Variants in TAFA4 observed in about 807,000 individuals in gnomAD.
The protein encoded by TAFA4 is chemokine-like protein TAFA-4.
TAFA4 carries 20 observed loss-of-function variants against 21.1 expected under a neutral mutation model. The observed-to-expected ratio is 0.95, with a 90% CI of 0.67 to 1.38. The LOEUF is 1.38. Ranked by LOEUF, TAFA4 falls within the 40% of genes most tolerant of loss-of-function variation. The pLI, the probability that TAFA4 is intolerant of heterozygous loss-of-function variation, is 0.00. For missense variants in TAFA4, 211 were observed against 180.9 expected, an observed-to-expected ratio of 1.17 and a Z score of -0.95; for synonymous variants, 71 against 67.4, an observed-to-expected ratio of 1.05 and a Z score of -0.26.
At chr3:68,835,199 C>T (rs183294616) in intron 3 of TAFA4, among the ~76,000 whole-genome samples, 2 of 152,252 alleles carry the variant, frequency 1.3e-5, no homozygotes, top group East Asian at 3.9e-4. Flanking sequence ...TCCCTGGTGA[C>T]CTTATTTGAA....
At chr3:68,890,306 A>G (rs1318570438) in intron 1 of TAFA4, among the ~76,000 whole-genome samples, 1 of 152,194 alleles carries the variant, frequency 6.6e-6, no homozygotes, top group African/African-American at 2.4e-5. Flanking sequence ...GTACTCTTCT[A>G]TGAACTTTTC....
intron 1 of TAFA4, among the ~76,000 whole-genome samples, chr3:68,893,221 A>T (rs78889232): frequency 0.018 from 2,817 of 152,336 alleles, 83 homozygotes; most frequent in African/African-American, 0.064. Context: ...GTTGCCAAGT[A>T]CTTGAATTTT....
At chr3:68,770,749 TTACTGA>T (rs1391716865) in intron 3 of TAFA4, among the ~76,000 whole-genome samples, 1 of 152,194 alleles carries the variant, frequency 6.6e-6, no homozygotes, top group East Asian at 1.9e-4. Context: ...AACCCATCTC[TTACTGA>T]TACAGGAAGA....
intron 1 of TAFA4, among the ~76,000 whole-genome samples, chr3:68,891,216 T>C (rs1051078830): frequency 5.3e-5 from 8 of 152,200 alleles, no homozygotes; most frequent in Non-Finnish European, 1.2e-4. Flanking sequence ...CACCAAAACA[T>C]TAAAAATGGA....
chr3:68,792,636 T>C (rs1263087798), intron 3 of TAFA4, among the ~76,000 whole-genome samples: 2 of 152,208 alleles, frequency 1.3e-5, no homozygotes, highest in Non-Finnish European at 1.5e-5. Flanking sequence ...CAGATTGATT[T>C]ATTCTATCTC....
chr3:68,843,060 A>T (rs1161222914), intron 3 of TAFA4, among the ~76,000 whole-genome samples: 1 of 152,166 alleles, frequency 6.6e-6, no homozygotes, highest in Non-Finnish European at 1.5e-5. Context: ...ACTTTTTTCT[A>T]ATTCTGTGAA....
chr3:68,811,941 A>T (rs1392183391), intron 3 of TAFA4, among the ~76,000 whole-genome samples: 1 of 152,130 alleles, frequency 6.6e-6, no homozygotes, highest in Non-Finnish European at 1.5e-5. Flanking sequence ...CGGGTTACCC[A>T]CAAAGGGAAG....
At chr3:68,883,938 A>G (rs944298318) in intron 2 of TAFA4, among the ~76,000 whole-genome samples, 1 of 151,810 alleles carries the variant, frequency 6.6e-6, no homozygotes, top group African/African-American at 2.4e-5. Flanking sequence ...TCTCAAAAAA[A>G]GAAGGCAGGC....
chr3:68,864,691 G>A (rs558961219), intron 3 of TAFA4, among the ~76,000 whole-genome samples: 1 of 152,146 alleles, frequency 6.6e-6, no homozygotes, highest in South Asian at 2.1e-4. Context: ...AAAACTCCAA[G>A]TGTTTATCAA....
chr3:68,790,438 AATTAC>A (rs1196662523), intron 3 of TAFA4, among the ~76,000 whole-genome samples: 1 of 152,216 alleles, frequency 6.6e-6, no homozygotes, highest in Non-Finnish European at 1.5e-5. Flanking sequence ...ATATTTCAAT[AATTAC>A]ATTAAATGTA....
At chr3:68,785,129 C>T (rs1457349777) in intron 3 of TAFA4, among the ~76,000 whole-genome samples, 1 of 152,210 alleles carries the variant, frequency 6.6e-6, no homozygotes, top group African/African-American at 2.4e-5. Flanking sequence ...ACACAGGGTG[C>T]TGATTGGTGT....
rs568302719 is a variant in TAFA4 at position 68,749,959 on chromosome 3, A to G, written c.286+2904T>C. ...CTATCTACACAGGTTATGTCCATAA[A>G]TATATAGAGAGGGAACATGTGCATC... On this transcript the variant is annotated intron_variant, in intron 4 of 5. Transcript: ENST00000295569. 5.9e-5 allele frequency among the ~76,000 whole-genome samples: 9 copies of G among 152,328 alleles called. No individual in the cohort carries two copies. In the South Asian group the frequency reaches 1.9e-3, roughly 32 times the overall value.
At chr3:68,790,483 GAT>G (rs1491145923) in intron 3 of TAFA4, among the ~76,000 whole-genome samples, 1 of 151,998 alleles carries the variant, frequency 6.6e-6, no homozygotes, top group African/African-American at 2.4e-5. Context: ...TTAAAAGAGA[GAT>G]TATCAGATTA....
intron 1 of TAFA4, among the ~76,000 whole-genome samples, chr3:68,898,586 C>T (rs1294616400): frequency 2.0e-5 from 3 of 152,196 alleles, no homozygotes; most frequent in African/African-American, 7.2e-5. Context: ...GCAGAGGTTG[C>T]AGTGAGCCAA....
chr3:68,900,286 T>C (rs201915092), intron 1 of TAFA4, among the ~76,000 whole-genome samples: 215 of 28,810 alleles, frequency 7.5e-3, no homozygotes, highest in East Asian at 0.067. Context: ...ATAATAACAA[T>C]AATAATAATA....
At chr3:68,904,080 A>T (rs910551554) in intron 1 of TAFA4, among the ~76,000 whole-genome samples, 78 of 152,050 alleles carry the variant, frequency 5.1e-4, no homozygotes, top group Non-Finnish European at 9.9e-4. Context: ...AAAAAAAAAA[A>T]ACAATTTGCC....
chr3:68,891,510 C>T lies in TAFA4; in HGVS notation c.-122-6200G>A, dbSNP rs148239629. 4.9e-3 allele frequency among the ~76,000 whole-genome samples: 744 copies of T among 152,292 alleles called. 4 individuals are homozygous for T. The highest frequency in any genetic ancestry group is 7.5e-3 in the South Asian group (36 of 4,820). On this transcript the variant is annotated intron_variant, in intron 1 of 5. Transcript: ENST00000295569. ...TGGGATCTACCGGGATAGCCTGGTG[C>T]CTTCTGTACTCAGCCCCTTGAGTAC...
intron 4 of TAFA4, among the ~76,000 whole-genome samples, chr3:68,741,582 CAGG>C (rs1430067461): frequency 6.6e-6 from 1 of 151,982 alleles, no homozygotes; most frequent in African/African-American, 2.4e-5. Context: ...ATCATGAGGT[CAGG>C]AGATCGAGAC....
intron 1 of TAFA4, among the ~76,000 whole-genome samples, chr3:68,910,250 A>G (rs1162170094): frequency 6.6e-6 from 1 of 152,220 alleles, no homozygotes; most frequent in Non-Finnish European, 1.5e-5. Context: ...GTGATTATAC[A>G]AATGTGAGAA....
Sources: gnomAD v4.1 joint callset for allele counts (sites outside exome capture counted in the v4.1 genomes callset) on GRCh38, gnomAD v4.1.1 for gene constraint, MANE v1.5 for transcripts, NCBI Gene and HGNC (gene_info 2026-07-23, HGNC 2026-07-21) for gene names.